Variants in CDH8 observed in about 807,000 individuals in gnomAD.
CDH8 encodes the protein cadherin-8.
In CDH8, 17 loss-of-function variants were observed where a neutral mutation model predicts 68.1. The observed-to-expected ratio is 0.25, with a 90% CI of 0.17 to 0.37. CDH8 has a LOEUF of 0.37. Among genes scored for constraint, CDH8 ranks in the 10% least tolerant of loss-of-function variants. The pLI is 1.00. For synonymous variants in CDH8, 372 were observed against 365.1 expected (o/e 1.02, Z -0.21); for missense variants, 763 against 999.3 (o/e 0.76, Z 3.19).
rs1319647333 is a variant in CDH8, at chr16:61,650,371, G to T, written c.*3237C>A. On this transcript the variant is annotated 3_prime_UTR_variant, in exon 12 of 12. Transcript: ENST00000577390. ...GTGGGAACCTTGAATTGTGAGGTAG[G>T]CAGAGGGAGATAACTTTGTCTCACT... The T allele has an allele frequency of 6.6e-6, 1 of 152,042 alleles. No individual in the cohort carries two copies. Among genetic ancestry groups the T allele is most frequent in the Admixed American group, 6.6e-5 (1 of 15,246 alleles). 9.4% of individuals were successfully genotyped at this position (152,042 alleles called of 1,614,324 possible).
intron 8 of CDH8, among the ~76,000 whole-genome samples, chr16:61,766,469 T>C (rs1294351834): frequency 6.6e-6 from 1 of 152,020 alleles, no homozygotes; most frequent in African/African-American, 2.4e-5. Context: ...AGGTGCCTTT[T>C]TGATATAGTG....
intron 3 of CDH8, among the ~76,000 whole-genome samples, chr16:61,869,343 G>C (rs943184450): frequency 6.6e-6 from 1 of 152,106 alleles, no homozygotes; most frequent in African/African-American, 2.4e-5. Flanking sequence ...CAGGAGTGGT[G>C]GGTGTGCAGA....
At chr16:61,746,289 T>G (rs1960018182) in intron 8 of CDH8, among the ~76,000 whole-genome samples, 1 of 152,146 alleles carries the variant, frequency 6.6e-6, no homozygotes, top group African/African-American at 2.4e-5. Flanking sequence ...CAGAGTCCCA[T>G]AAGTCCATCA....
Position 61,817,671 on chromosome 16 carries a change from A to G in CDH8, c.1085T>C (p.Ile362Thr), listed in dbSNP as rs747888738. 14 of 1,612,456 alleles carry G rather than the reference A, an allele frequency of 8.7e-6. No individual in the cohort carries two copies. Among genetic ancestry groups the G allele is most frequent in the Admixed American group, 3.3e-5 (2 of 59,854 alleles). ...TLKVEAANVH[I>T]DPRFSGRGPF... is the part of the protein sequence containing the mutation. Reference sequence around the variant, plus strand: ...CCCCCTGCCACTGAAGCGTGGGTCAATATGGACATTGGCTGCCTCTACCTT... The same window carrying G: ...CCCCCTGCCACTGAAGCGTGGGTCAGTATGGACATTGGCTGCCTCTACCTT... The change falls in exon 7 of 12, where the codon ATT (isoleucine) becomes ACT (threonine). Residue 362 changes from isoleucine to threonine, a missense_variant. By Grantham distance (89) the Ile-to-Thr change is moderately conservative. Coordinates refer to ENST00000577390, the MANE Select transcript of CDH8 (RefSeq NM_001796.5).
intron 2 of CDH8, among the ~76,000 whole-genome samples, chr16:61,981,648 ATGTGTGTGTGTGTGTG>A (rs750036103): frequency 6.8e-6 from 1 of 146,830 alleles, no homozygotes; most frequent in African/African-American, 2.5e-5. Flanking sequence ...CTTGAAAAGA[ATGTGTGTGTGTGTGTG>A]TGTGTGTGTG....
intron 3 of CDH8, among the ~76,000 whole-genome samples, chr16:61,897,277 G>A (rs137900514): frequency 0.027 from 4,060 of 151,776 alleles, 179 homozygotes; most frequent in African/African-American, 0.092. Context: ...TTTTGAGACG[G>A]AGTCTCGCAC....
intron 8 of CDH8, among the ~76,000 whole-genome samples, chr16:61,770,265 T>C (rs1277862541): frequency 2.6e-5 from 4 of 151,920 alleles, no homozygotes; most frequent in Non-Finnish European, 5.9e-5. Context: ...TGTTCTTTAT[T>C]GTCACATGCA....
At chr16:61,846,651 A>G (rs1962812452) in intron 4 of CDH8, among the ~76,000 whole-genome samples, 1 of 152,048 alleles carries the variant, frequency 6.6e-6, no homozygotes, top group South Asian at 2.1e-4. Flanking sequence ...TCAGAAATTA[A>G]TTTGCCCAGA....
intron 2 of CDH8, among the ~76,000 whole-genome samples, chr16:61,985,264 A>G (rs982115119): frequency 2.0e-5 from 3 of 152,174 alleles, no homozygotes; most frequent in African/African-American, 7.2e-5. Flanking sequence ...CTAGACCTGT[A>G]TTGTCTAATA....
At chr16:61,966,449 A>G (rs2150574322) in intron 2 of CDH8, among the ~76,000 whole-genome samples, 1 of 152,110 alleles carries the variant, frequency 6.6e-6, no homozygotes, top group Admixed American at 6.5e-5. Flanking sequence ...GAGGCAGGAG[A>G]ATTGCTTGAA....
intron 8 of CDH8, among the ~76,000 whole-genome samples, chr16:61,736,081 T>G (rs1330009794): frequency 1.8e-5 from 1 of 54,600 alleles, no homozygotes; most frequent in Admixed American, 2.2e-4. Context: ...CAAAGACAAA[T>G]GAAAAACAAG....
chr16:61,985,021 C>A (rs553708966), intron 2 of CDH8, among the ~76,000 whole-genome samples: 181 of 152,122 alleles, frequency 1.2e-3, no homozygotes, highest in Non-Finnish European at 2.0e-3. Flanking sequence ...CTGGTTATTA[C>A]TGAGTGAGTA....
intron 1 of CDH8, among the ~76,000 whole-genome samples, chr16:62,022,418 A>G (rs1902095927): frequency 6.6e-6 from 1 of 152,162 alleles, no homozygotes; most frequent in African/African-American, 2.4e-5. Context: ...GAAATAAAAT[A>G]TGGTAACAAA....
intron 5 of CDH8, among the ~76,000 whole-genome samples, chr16:61,824,171 T>C (rs1040300336): frequency 1.3e-5 from 2 of 151,698 alleles, no homozygotes; most frequent in South Asian, 4.1e-4. Flanking sequence ...ATAAGCCAGA[T>C]CAAAGGAAAA....
chr16:62,023,062 G>A (rs988695710), intron 1 of CDH8, among the ~76,000 whole-genome samples: 1 of 152,184 alleles, frequency 6.6e-6, no homozygotes, highest in Non-Finnish European at 1.5e-5. Context: ...CCCTGGAATT[G>A]CAGAAAATCT....
At chr16:62,006,574 T>C (rs1965979597) in intron 2 of CDH8, among the ~76,000 whole-genome samples, 1 of 152,192 alleles carries the variant, frequency 6.6e-6, no homozygotes, top group African/African-American at 2.4e-5. Context: ...AAAAGTATTA[T>C]TTTCCTTGGT....
At chr16:61,731,346 C>A (rs1959531149) in intron 8 of CDH8, among the ~76,000 whole-genome samples, 1 of 151,652 alleles carries the variant, frequency 6.6e-6, no homozygotes, top group Admixed American at 6.6e-5. Flanking sequence ...TCTAGGGAAT[C>A]ATTTCTTTAA....
intron 8 of CDH8, among the ~76,000 whole-genome samples, chr16:61,737,726 G>GT (rs1157792444): frequency 6.6e-6 from 1 of 152,178 alleles, no homozygotes; most frequent in South Asian, 2.1e-4. Flanking sequence ...ATTTTTGATA[G>GT]TTTTTATCTT....
chr16:61,790,183 T>C (rs1596970387), intron 7 of CDH8, among the ~76,000 whole-genome samples: 1 of 152,020 alleles, frequency 6.6e-6, no homozygotes, highest in East Asian at 1.9e-4. Context: ...GACATATTAG[T>C]AGTTCTTTTA....
Sources: allele counts gnomAD v4.1 joint callset (sites outside exome capture counted in the v4.1 genomes callset), GRCh38; gene constraint gnomAD v4.1.1; transcripts MANE v1.5; gene names NCBI Gene and HGNC (gene_info 2026-07-23, HGNC 2026-07-21).